ASIC2: variants seen among roughly 807,000 people sequenced by gnomAD.
ASIC2 encodes acid-sensing ion channel 2.
Under a neutral mutation model 57.3 loss-of-function variants are expected in ASIC2, and 25 were observed. The observed-to-expected ratio is 0.44, with a 90% confidence interval of 0.32 to 0.61. ASIC2 has a LOEUF of 0.61. Ranked by LOEUF, ASIC2 falls within the 20% of genes least tolerant of loss-of-function variation. ASIC2 has a pLI of 0.06. For missense variants in ASIC2, 641 were observed against 738.1 expected (o/e 0.87, Z 1.52); for synonymous variants, 319 against 307.5 (o/e 1.04, Z -0.39).
chr17:33,241,602 C>T (rs1430233912), intron 1 of ASIC2, among the ~76,000 whole-genome samples: 4 of 152,190 alleles, frequency 2.6e-5, no homozygotes, highest in African/African-American at 9.6e-5. Flanking sequence ...TTTATCTTTT[C>T]TTGTTTTTCA....
At chr17:33,601,009 T>A (rs80130097) in intron 1 of ASIC2, among the ~76,000 whole-genome samples, 4,264 of 152,290 alleles carry the variant, frequency 0.028, 95 homozygotes, top group South Asian at 0.13. Context: ...AGAAGAAATA[T>A]CTAAGCAGCA....
intron 1 of ASIC2, among the ~76,000 whole-genome samples, chr17:33,734,636 G>A (rs1567700959): frequency 6.6e-6 from 1 of 152,122 alleles, no homozygotes; most frequent in Non-Finnish European, 1.5e-5. Context: ...GAACCTTTAG[G>A]GTTGTAATTA....
intron 1 of ASIC2, among the ~76,000 whole-genome samples, chr17:33,163,826 G>T (rs1905229624): frequency 6.6e-6 from 1 of 152,162 alleles, no homozygotes; most frequent in South Asian, 2.1e-4. Context: ...AGGACCTGTT[G>T]CAGTGTTCAG....
intron 1 of ASIC2, among the ~76,000 whole-genome samples, chr17:33,178,227 A>G (rs532762276): frequency 2.0e-4 from 31 of 152,346 alleles, no homozygotes; most frequent in African/African-American, 7.0e-4. Context: ...TGATGTGTAT[A>G]TAATTCAAAA....
At chr17:33,278,700 C>T (rs908462412) in intron 1 of ASIC2, among the ~76,000 whole-genome samples, 20 of 151,978 alleles carry the variant, frequency 1.3e-4, no homozygotes, top group Non-Finnish European at 2.5e-4. Flanking sequence ...GGCCTATGAT[C>T]GTTTGCCATA....
chr17:33,407,387 A>T (rs978619527), intron 1 of ASIC2, among the ~76,000 whole-genome samples: 2 of 152,172 alleles, frequency 1.3e-5, no homozygotes, highest in Non-Finnish European at 1.5e-5. Flanking sequence ...ATATAATAAC[A>T]ACCATTGTTA....
chr17:33,015,299 C>A (rs950186593), intron 9 of ASIC2, among the ~76,000 whole-genome samples: 49 of 152,252 alleles, frequency 3.2e-4, no homozygotes, highest in Non-Finnish European at 5.4e-4. Context: ...GGCCTGAGCC[C>A]AGGAGTAGAC....
At chr17:33,403,010 G>T (rs2141959786) in intron 1 of ASIC2, among the ~76,000 whole-genome samples, 1 of 152,298 alleles carries the variant, frequency 6.6e-6, no homozygotes, top group African/African-American at 2.4e-5. Flanking sequence ...TATACTGTTG[G>T]TGGGATCAAT....
intron 1 of ASIC2, among the ~76,000 whole-genome samples, chr17:34,026,282 G>A (rs1907376537): frequency 6.6e-6 from 1 of 152,178 alleles, no homozygotes; most frequent in South Asian, 2.1e-4. Flanking sequence ...TAATGAGAAT[G>A]AGGAGCCCTG....
intron 1 of ASIC2, among the ~76,000 whole-genome samples, chr17:33,496,603 GTTTTTTTTTTTTTTTTTTT>G (rs61267122): frequency 1.4e-5 from 1 of 70,980 alleles, no homozygotes; most frequent in African/African-American, 6.3e-5. Flanking sequence ...GTTATTGTAG[GTTTTTTTTTTTTTTTTTTT>G]TTTTTTTTTT....
At chr17:33,163,069 G>T (rs1014897139) in intron 1 of ASIC2, among the ~76,000 whole-genome samples, 2 of 152,168 alleles carry the variant, frequency 1.3e-5, no homozygotes, top group African/African-American at 4.8e-5. Context: ...TGTCCCCAGG[G>T]TGCTCATTCT....
chr17:33,754,523 C>T (rs939367225), intron 1 of ASIC2, among the ~76,000 whole-genome samples: 1 of 152,120 alleles, frequency 6.6e-6, no homozygotes, highest in Non-Finnish European at 1.5e-5. Context: ...GGGTAAACTG[C>T]AAACTCTGAA....
chr17:34,125,775 A>T (rs908039239), intron 1 of ASIC2, among the ~76,000 whole-genome samples: 25 of 152,334 alleles, frequency 1.6e-4, no homozygotes, highest in Admixed American at 1.4e-3. Flanking sequence ...TCATGCCTAG[A>T]TGTCTCCACA....
intron 1 of ASIC2, among the ~76,000 whole-genome samples, chr17:33,253,743 G>T (rs907012445): frequency 6.6e-6 from 1 of 152,056 alleles, no homozygotes; most frequent in Non-Finnish European, 1.5e-5. Context: ...TTTAAAAAGA[G>T]GATTTTTAAA....
chr17:33,062,044 TTC>T (rs1385060467), intron 3 of ASIC2, among the ~76,000 whole-genome samples: 1 of 152,200 alleles, frequency 6.6e-6, no homozygotes. Flanking sequence ...TATTTGATTC[TTC>T]TCTCTTTTCT....
intron 1 of ASIC2, among the ~76,000 whole-genome samples, chr17:34,057,985 C>G (rs1230037724): frequency 6.6e-6 from 1 of 152,198 alleles, no homozygotes; most frequent in Non-Finnish European, 1.5e-5. Context: ...CACCTACACC[C>G]ATGTACTTGT....
At chr17:34,100,696 C>T (rs994097754) in intron 1 of ASIC2, among the ~76,000 whole-genome samples, 3 of 152,160 alleles carry the variant, frequency 2.0e-5, no homozygotes, top group Non-Finnish European at 4.4e-5. Flanking sequence ...GACCATCTGT[C>T]CCCTGGTTGT....
intron 1 of ASIC2, among the ~76,000 whole-genome samples, chr17:33,254,577 C>G (rs1908993508): frequency 6.6e-6 from 1 of 152,100 alleles, no homozygotes; most frequent in African/African-American, 2.4e-5. Context: ...CCTGGTAGAC[C>G]TATTTCCCCT....
intron 1 of ASIC2, among the ~76,000 whole-genome samples, chr17:33,187,376 A>G (rs1471341841): frequency 1.3e-5 from 2 of 152,216 alleles, no homozygotes; most frequent in Admixed American, 1.3e-4. Flanking sequence ...TGCTTCCACA[A>G]TGAGCAGGAT....
Sources: allele counts gnomAD v4.1 joint callset (sites outside exome capture counted in the v4.1 genomes callset), GRCh38; gene constraint gnomAD v4.1.1; transcripts MANE v1.5; gene names NCBI Gene and HGNC (gene_info 2026-07-23, HGNC 2026-07-21).